The following AASS variants were observed in gnomAD, a reference collection of about 807,000 sequenced individuals.
The protein encoded by AASS is aminoadipate-semialdehyde synthase, also known as alpha-aminoadipic semialdehyde synthase, mitochondrial.
In AASS, 86 loss-of-function variants were observed where a neutral mutation model predicts 105.4. That is an observed-to-expected ratio of 0.82 (90% CI 0.69 to 0.98). The LOEUF (loss-of-function observed/expected upper bound fraction) is 0.98, where lower values mean the gene tolerates loss of function less well. AASS is among the 50% of genes least tolerant of loss of function. AASS has a pLI of 0.00. For missense variants in AASS, 1,048 were observed against 1,143.2 expected (o/e 0.92, Z 1.20); for synonymous variants, 381 against 394.8 (o/e 0.96, Z 0.41).
In AASS at chr7:122,079,068, C is replaced by G. The variant is rs532649293; in HGVS notation, c.2397-118G>C. 4 of 1,586,214 alleles carry G rather than the reference C, an allele frequency of 2.5e-6. No homozygotes were observed. In the East Asian group the frequency reaches 9.0e-5, roughly 36 times the overall value. On this transcript the variant is annotated intron_variant, in intron 21 of 23. Coordinates refer to ENST00000417368, the MANE Select transcript of AASS (RefSeq NM_005763.4). The stretch of plus-strand genomic sequence containing the variant: ...AGGGCAGAATTACAAGGTGGTAACT[C>G]AAGTTGTAGGATTCTCCTAAAATGT...
chr7:122,098,858 G>T lies in AASS; in HGVS notation c.1415C>A (p.Ala472Asp). The T allele has an allele frequency of 7.6e-7, 1 of 1,308,786 alleles. No homozygotes were observed. Among genetic ancestry groups the T allele is most frequent in the Non-Finnish European group, 1.0e-6 (1 of 960,026 alleles). The allele number at this position is 1,308,786 out of a possible 1,614,324, so 81.1% of individuals were successfully genotyped here. A position where few individuals can be genotyped will look rare whatever the true frequency, so the allele number is the denominator to read the frequency against. Residue 472 changes from alanine to aspartate, a missense_variant, in exon 14 of 24, where the codon GCT becomes GAT. Ala to Asp is a moderately radical substitution (Grantham distance 126). Coordinates refer to ENST00000417368, the MANE Select transcript of AASS (RefSeq NM_005763.4). ...IQTLRESRER[A>D]QSLSMGTRRK... ...CCTGGTGCCCATTGAAAGTGACTGAGCACGTTCCCTATTTAAAAAAAAAAA... is the reference window on the plus strand; with the variant it reads ...CCTGGTGCCCATTGAAAGTGACTGATCACGTTCCCTATTTAAAAAAAAAAA...
intron 19 of AASS, among the ~76,000 whole-genome samples, chr7:122,082,077 T>A (rs1173539339): frequency 6.6e-6 from 1 of 152,072 alleles, no homozygotes; most frequent in African/African-American, 2.4e-5. Context: ...CAAAAGCAGA[T>A]AATCCAATCT....
At chr7:122,140,479 C>T (rs1160569812) in intron 1 of AASS, among the ~76,000 whole-genome samples, 1 of 29,754 alleles carries the variant, frequency 3.4e-5, no homozygotes, top group Non-Finnish European at 5.3e-5. Flanking sequence ...GAGCGAGACT[C>T]AGTCTCAAAA....
At chr7:122,096,850 A>G (rs1794178106) in intron 15 of AASS, among the ~76,000 whole-genome samples, 1 of 151,988 alleles carries the variant, frequency 6.6e-6, no homozygotes, top group East Asian at 1.9e-4. Context: ...TTTATTTCAG[A>G]TTCTGTTCCA....
At chr7:122,094,369 GT>G (rs1484688241) in intron 15 of AASS, among the ~76,000 whole-genome samples, 1 of 151,990 alleles carries the variant, frequency 6.6e-6, no homozygotes. Flanking sequence ...CTATTTACCT[GT>G]TGAGGAATAA....
In AASS at chr7:122,129,521, C is replaced by G; in HGVS notation, c.227G>C (p.Gly76Ala). The G allele has an allele frequency of 6.2e-7, 1 of 1,613,116 alleles. No homozygotes were observed. The highest frequency in any genetic ancestry group is 8.5e-7 in the Non-Finnish European group (1 of 1,179,486). The change falls in exon 3 of 24, where the codon GGT (glycine) becomes GCT (alanine). Residue 76 changes from glycine (G) to alanine (A), a missense_variant. By Grantham distance (60) the Gly-to-Ala change is moderately conservative. Coordinates refer to ENST00000417368, the MANE Select transcript of AASS (RefSeq NM_005763.4). ...AGAAATATCCTCCTGAAGAATGCCA[C>G]CAGCTTTGACATAGTCCTGAAATTG... ...AIHDKDYVKAGGILQEDISEA... is the reference protein window; with the variant it reads ...AIHDKDYVKAAGILQEDISEA...
intron 11 of AASS, among the ~76,000 whole-genome samples, chr7:122,106,452 T>A (rs1794667103): frequency 1.3e-5 from 2 of 151,104 alleles, no homozygotes; most frequent in African/African-American, 4.9e-5. Context: ...GCCAAGGCAA[T>A]CCTAAACAAA....
intron 17 of AASS, 99 bp downstream of exon 17, chr7:122,092,744 C>T: frequency 9.7e-7 from 1 of 1,034,550 alleles, no homozygotes; most frequent in Non-Finnish European, 1.5e-6. Flanking sequence ...AAATCTTTAA[C>T]TTTGATTAAA....
chr7:122,095,522 A>G (rs576152629), intron 15 of AASS, among the ~76,000 whole-genome samples: 1 of 152,052 alleles, frequency 6.6e-6, no homozygotes, highest in African/African-American at 2.4e-5. Flanking sequence ...AAACAATATT[A>G]CACTATATCA....
intron 4 of AASS, among the ~76,000 whole-genome samples, chr7:122,124,135 T>A (rs1014826942): frequency 1.5e-4 from 23 of 152,230 alleles, no homozygotes. Context: ...CTCTTCACTT[T>A]GAGCTTTGCA....
intron 1 of AASS, among the ~76,000 whole-genome samples, chr7:122,138,641 T>C (rs1464794649): frequency 1.3e-5 from 2 of 152,178 alleles, no homozygotes; most frequent in African/African-American, 2.4e-5. Flanking sequence ...CCAGTAGCAA[T>C]AGGAGAACAT....
rs777159345 is a variant in AASS, at chr7:122,129,405, C to A, written c.343G>T (p.Ala115Ser). Residue 115 changes from alanine (A) to serine (S), a missense_variant, in exon 3 of 24, where the codon GCT (alanine) becomes TCT (serine). Physicochemically the swap from Ala to Ser is moderately conservative, Grantham distance 99. Coordinates refer to ENST00000417368, the MANE Select transcript of AASS (RefSeq NM_005763.4). ...TYAFFSHTIK[A>S]QEANMGLLDE... Reference sequence around the variant, plus strand: ...AACAAGCCCATATTGGCCTCCTGAGCTTTTATTGTGTGGGAGAAAAATGCA... The same window carrying A: ...AACAAGCCCATATTGGCCTCCTGAGATTTTATTGTGTGGGAGAAAAATGCA... 3.6e-5 allele frequency: 58 copies of A among 1,612,786 alleles called. No individual in the cohort carries two copies. Among genetic ancestry groups the A allele is most frequent in the Non-Finnish European group, 4.9e-5 (58 of 1,179,304 alleles).
intron 13 of AASS, 144 bp downstream of exon 13, chr7:122,101,227 G>C (rs940982205): frequency 1.1e-4 from 80 of 717,686 alleles, no homozygotes; most frequent in Non-Finnish European, 5.4e-5. Flanking sequence ...ACTTAGTTTG[G>C]ATTTCCTACA....
chr7:122,076,503 T>C lies in AASS; in HGVS notation c.2767A>G (p.Thr923Ala). 6.2e-7 allele frequency: 1 copy of C among 1,610,332 alleles called. No homozygotes were observed. Among genetic ancestry groups the C allele is most frequent in the Non-Finnish European group, 8.5e-7 (1 of 1,176,540 alleles). ...AEGIIYTTQS[T>A]IKP ...ATAATTCCCAATTATGGTTTAATTG[T>C]ACTCTGTGTAGTATATATAATGCCT... Residue 923 changes from threonine to alanine, a missense_variant, in exon 24 of 24, where the codon ACA becomes GCA. Physicochemically the swap from Thr to Ala is moderately conservative, Grantham distance 58 (BLOSUM62 0). Coordinates refer to ENST00000417368, the MANE Select transcript of AASS (RefSeq NM_005763.4).
chr7:122,113,650 T>G lies in AASS; in HGVS notation c.1114A>C (p.Ile372Leu). The change falls in exon 10 of 24, where the codon ATA becomes CTA. Residue 372 changes from isoleucine to leucine, a missense_variant. By Grantham distance (5) the Ile-to-Leu change is conservative (BLOSUM62 2). Coordinates refer to ENST00000417368, the MANE Select transcript of AASS (RefSeq NM_005763.4). ...TCATACATGCAAAAGGGATGCTCTA[T>G]TGTTGTACACTCAGTCATAAACTCT... Reference protein sequence around the residue: ...SIEFMTECTTIEHPFCMYDAD... With the variant: ...SIEFMTECTTLEHPFCMYDAD... The G allele has an allele frequency of 6.2e-7, 1 of 1,613,778 alleles. No homozygotes were observed. Among genetic ancestry groups the G allele is most frequent in the Non-Finnish European group, 8.5e-7 (1 of 1,179,930 alleles).
intron 1 of AASS, among the ~76,000 whole-genome samples, chr7:122,140,834 G>A (rs905656354): frequency 4.7e-5 from 7 of 149,926 alleles, no homozygotes; most frequent in Non-Finnish European, 4.4e-5. Context: ...ATAAGTTCAA[G>A]GATGAACAGC....
intron 13 of AASS, among the ~76,000 whole-genome samples, chr7:122,099,450 T>C (rs1794326993): frequency 6.6e-6 from 1 of 151,876 alleles, no homozygotes; most frequent in Admixed American, 6.6e-5. Context: ...TGTTAGGCAT[T>C]ATTTTAATTC....
In AASS at chr7:122,123,852, A is replaced by C. The variant is rs144229370; in HGVS notation, c.472+2523T>G. On this transcript the variant is annotated intron_variant, in intron 4 of 23. Coordinates refer to ENST00000417368, the MANE Select transcript of AASS (RefSeq NM_005763.4). Reference sequence around the variant, plus strand: ...TAGCAACTTAGTATGTAATCTACTAATACATTGTCCTATACAGAACTCATT... The same window carrying C: ...TAGCAACTTAGTATGTAATCTACTACTACATTGTCCTATACAGAACTCATT... 9.8e-5 allele frequency among the ~76,000 whole-genome samples: 15 copies of C among 152,310 alleles called. No homozygotes were observed. The East Asian group carries it at 2.9e-3, about 29-fold the overall frequency.
chr7:122,143,555 G>A (rs1020723882), intron 1 of AASS, among the ~76,000 whole-genome samples: 2 of 151,404 alleles, frequency 1.3e-5, no homozygotes, highest in Non-Finnish European at 2.9e-5. Flanking sequence ...CTTGCAAGGC[G>A]CCCAACTTCC....
Sources: allele counts gnomAD v4.1 joint callset (sites outside exome capture counted in the v4.1 genomes callset), GRCh38; gene constraint gnomAD v4.1.1; transcripts MANE v1.5; gene names NCBI Gene and HGNC (gene_info 2026-07-23, HGNC 2026-07-21).